The following CSMD2 variants were observed in gnomAD, a reference collection of about 807,000 sequenced individuals.
The protein encoded by CSMD2 is CUB and Sushi multiple domains 2.
A neutral mutation model predicts 398.5 loss-of-function variants in CSMD2; 130 were observed. That is an observed-to-expected ratio of 0.33 (90% CI 0.28 to 0.38). The LOEUF (loss-of-function observed/expected upper bound fraction) is 0.38. CSMD2 is among the 10% of genes least tolerant of loss of function. The probability of loss-of-function intolerance (pLI) is 1.00; values close to 1 mark genes in which losing one functional copy is unlikely to be tolerated. For synonymous variants in CSMD2, 1,828 were observed against 1,908.5 expected (o/e 0.96, Z 1.10); for missense variants, 3,829 against 4,764.9 (o/e 0.80, Z 5.78).
intron 28 of CSMD2, 110 bp downstream of exon 28, chr1:33,652,213 G>A: frequency 8.8e-7 from 1 of 1,140,026 alleles, no homozygotes; most frequent in African/African-American, 1.5e-5. Flanking sequence ...TCACCTCCCT[G>A]GAGCTGAGAA....
chr1:34,007,155 C>T (rs1459490821), intron 3 of CSMD2, among the ~76,000 whole-genome samples: 1 of 152,080 alleles, frequency 6.6e-6, no homozygotes, highest in African/African-American at 2.4e-5. Flanking sequence ...CCCGCCTCGA[C>T]CTGAAGCTCC....
At position 33,541,268 on chromosome 1, in the gene CSMD2, G is replaced by A. The variant is rs771389828; in HGVS notation, c.9319C>T (p.Arg3107Trp). The change falls in exon 59 of 71, where the codon CGG (arginine) becomes TGG (tryptophan). Residue 3107 changes from arginine (R) to tryptophan (W), a missense_variant. Around this residue, in one of 5 missense-constraint regions of CSMD2, gnomAD observed 917 missense variants for 1,199.5 expected, o/e 0.76. Transcript: ENST00000373381. ...TTGTACCTGAAGTCATTGCCCAGCC[G>A]AAGGCCATTGGCTGGAATCCCAGGG... ...GDPGIPANGL[R>W]LGNDFRYNKT... 2 of 1,613,944 alleles carry A rather than the reference G, an allele frequency of 1.2e-6. No individual in the cohort carries two copies. The highest frequency in any genetic ancestry group is 1.7e-6 in the Non-Finnish European group (2 of 1,179,886).
Position 33,702,051 on chromosome 1 carries a change from G to A in CSMD2, c.3577-1378C>T, listed in dbSNP as rs79459668. On this transcript the variant is annotated intron_variant, in intron 22 of 70. Transcript: ENST00000373381. ...TTCCAACTTACAGGCAATAAATACC[G>A]AGGACAGAGGAACATACGAAATGAT... Among the ~76,000 whole-genome samples, 872 of 152,214 alleles carry A rather than the reference G, an allele frequency of 5.7e-3. 20 individuals are homozygous for A. Among genetic ancestry groups the A allele is most frequent in the African/African-American group, 0.02 (834 of 41,536 alleles).
chr1:33,552,164 G>A (rs767388529), intron 55 of CSMD2, among the ~76,000 whole-genome samples: 24 of 152,298 alleles, frequency 1.6e-4, no homozygotes, highest in Non-Finnish European at 2.8e-4. Flanking sequence ...TGCTTAACAC[G>A]ATTCGTCATT....
At chr1:33,786,929 G>A (rs1260353524) in intron 12 of CSMD2, among the ~76,000 whole-genome samples, 1 of 152,346 alleles carries the variant, frequency 6.6e-6, no homozygotes, top group South Asian at 2.1e-4. Flanking sequence ...CTGAAGTTCT[G>A]ACTTCTGGTA....
chr1:34,143,161 T>C (rs1639460041), intron 1 of CSMD2, among the ~76,000 whole-genome samples: 1 of 152,086 alleles, frequency 6.6e-6, no homozygotes, highest in South Asian at 2.1e-4. Context: ...ATGATAATCA[T>C]ATAAAAATCT....
At chr1:33,789,897 C>T (rs1654024242) in intron 11 of CSMD2, among the ~76,000 whole-genome samples, 1 of 152,218 alleles carries the variant, frequency 6.6e-6, no homozygotes, top group African/African-American at 2.4e-5. Context: ...CCAATTACAG[C>T]ACCAGGCTCT....
intron 11 of CSMD2, among the ~76,000 whole-genome samples, chr1:33,789,244 T>C (rs889666572): frequency 6.6e-6 from 1 of 152,110 alleles, no homozygotes; most frequent in African/African-American, 2.4e-5. Context: ...GTAGTCATTA[T>C]CTGAGGGCCA....
At chr1:34,118,892 C>T (rs1661873838) in intron 1 of CSMD2, among the ~76,000 whole-genome samples, 1 of 152,150 alleles carries the variant, frequency 6.6e-6, no homozygotes, top group African/African-American at 2.4e-5. Context: ...CCTATCAAAA[C>T]CCCAATGGCA....
At chr1:33,926,368 C>T (rs868144564) in intron 4 of CSMD2, among the ~76,000 whole-genome samples, 8 of 152,116 alleles carry the variant, frequency 5.3e-5, no homozygotes, top group Non-Finnish European at 7.3e-5. Flanking sequence ...TAAGCCATCC[C>T]GAGATTTTCA....
intron 53 of CSMD2, among the ~76,000 whole-genome samples, chr1:33,563,695 C>A (rs1358734761): frequency 6.6e-6 from 1 of 152,028 alleles, no homozygotes; most frequent in Non-Finnish European, 1.5e-5. Flanking sequence ...TTCTCTGATT[C>A]CAGGCCATCT....
rs550911666 is a variant in CSMD2, at chr1:33,926,920, G to A, written c.713-8619C>T. On this transcript the variant is annotated intron_variant, in intron 4 of 70. Coordinates refer to ENST00000373381, the MANE Select transcript of CSMD2 (RefSeq NM_001281956.2). ...TGACAAATTTCAGGCAGGAAATGGA[G>A]AAAACAGGACATTATCCTCTCTACT... 2.6e-5 allele frequency among the ~76,000 whole-genome samples: 4 copies of A among 152,330 alleles called. No individual in the cohort carries two copies. The South Asian group carries it at 8.3e-4, about 32-fold the overall frequency.
intron 9 of CSMD2, among the ~76,000 whole-genome samples, chr1:33,818,815 C>T (rs1208874058): frequency 6.6e-6 from 1 of 152,204 alleles, no homozygotes; most frequent in East Asian, 1.9e-4. Flanking sequence ...CTGCCCCTTT[C>T]TCAGTATAAT....
intron 48 of CSMD2, among the ~76,000 whole-genome samples, chr1:33,578,107 G>C (rs145193080): frequency 6.6e-6 from 1 of 152,176 alleles, no homozygotes; most frequent in Non-Finnish European, 1.5e-5. Context: ...TCTTTGTGCT[G>C]TGTGGGGGAA....
chr1:33,555,137 C>T (rs1657839019), intron 55 of CSMD2, among the ~76,000 whole-genome samples: 1 of 152,092 alleles, frequency 6.6e-6, no homozygotes, highest in African/African-American at 2.4e-5. Context: ...CAAATATCAA[C>T]ATTAACAGGA....
At chr1:33,864,536 C>T (rs61769874) in intron 5 of CSMD2, 1 of 1,613,958 alleles carries the variant, frequency 6.2e-7, no homozygotes, top group Non-Finnish European at 8.5e-7. Flanking sequence ...AGAGGGAGAA[C>T]CCGAACTGGT....
chr1:33,542,591 G>C (rs1210571458), intron 58 of CSMD2, 129 bp downstream of exon 58: 1 of 760,838 alleles, frequency 1.3e-6, no homozygotes, highest in South Asian at 2.0e-5. Flanking sequence ...CTATTCATAT[G>C]ATTATCGTTC....
chr1:33,708,356 A>G (rs1645872680), intron 22 of CSMD2, among the ~76,000 whole-genome samples: 2 of 152,112 alleles, frequency 1.3e-5, no homozygotes, highest in South Asian at 4.2e-4. Flanking sequence ...ACATACACAC[A>G]ATATGCTGAC....
At chr1:33,946,681 T>C (rs900469337) in intron 3 of CSMD2, among the ~76,000 whole-genome samples, 4 of 151,604 alleles carry the variant, frequency 2.6e-5, no homozygotes, top group African/African-American at 9.7e-5. Flanking sequence ...TGCAGTGGCA[T>C]AATCTTGGCT....
Sources: allele counts gnomAD v4.1 joint callset (sites outside exome capture counted in the v4.1 genomes callset), GRCh38; gene constraint gnomAD v4.1.1; regional missense constraint gnomAD v4.1.1; transcripts MANE v1.5; gene names NCBI Gene and HGNC (gene_info 2026-07-23, HGNC 2026-07-21).